Variants in EXPH5 observed in about 807,000 individuals in gnomAD.
EXPH5 encodes the protein exophilin-5.
In EXPH5, 42 loss-of-function variants were observed where a neutral mutation model predicts 41.1. The ratio of observed to expected loss-of-function variants is 1.02; its 90% CI spans 0.80 to 1.32. EXPH5 has a LOEUF of 1.32. EXPH5 is among the 40% of genes most tolerant of loss of function. The pLI is 0.00. For synonymous variants in EXPH5, 798 were observed against 833.5 expected, an observed-to-expected ratio of 0.96 and a Z score of 0.73; for missense variants, 2,298 against 2,314.5, an observed-to-expected ratio of 0.99 and a Z score of 0.15.
chr11:108,511,954 A>C lies in EXPH5; in HGVS notation c.3553T>G (p.Phe1185Val), dbSNP rs898939910. 5 of 1,600,958 alleles carry C rather than the reference A, an allele frequency of 3.1e-6. No individual in the cohort carries two copies. The highest frequency in any genetic ancestry group is 4.3e-6 in the Non-Finnish European group (5 of 1,176,412). Reference protein sequence around the residue: ...LTKRQHQKENFQEYTEKEGKM... With the variant: ...LTKRQHQKENVQEYTEKEGKM... The stretch of plus-strand genomic sequence containing the variant: ...CCCTCTTTCTCAGTGTATTCTTGGA[A>C]GTTTTCCTTTTGGTGTTGTCTTTTG... Residue 1185 changes from phenylalanine (F) to valine (V), a missense_variant, in exon 6 of 6, where the codon TTC becomes GTC. Physicochemically the swap from Phe to Val is conservative, Grantham distance 50. Coordinates refer to ENST00000265843, the MANE Select transcript of EXPH5 (RefSeq NM_015065.3).
At chr11:108,527,852 C>A (rs564771019) in intron 4 of EXPH5, among the ~76,000 whole-genome samples, 3 of 152,186 alleles carry the variant, frequency 2.0e-5, no homozygotes, top group Non-Finnish European at 4.4e-5. Flanking sequence ...CTGCCCAACA[C>A]CTCAGGGCTG....
At chr11:108,582,270 C>A (rs1207283151) in intron 1 of EXPH5, among the ~76,000 whole-genome samples, 1 of 151,992 alleles carries the variant, frequency 6.6e-6, no homozygotes, top group Non-Finnish European at 1.5e-5. Flanking sequence ...CAAGATCAGC[C>A]TGGGCAATAT....
At chr11:108,607,431 A>G in the EXPH5 span, among the ~76,000 whole-genome samples, 4 of 152,210 alleles carry the variant, frequency 2.6e-5, no homozygotes, top group African/African-American at 7.2e-5. Flanking sequence ...GCATCAATAC[A>G]TAACTATCAG....
chr11:108,570,240 T>A (rs1437960311), intron 1 of EXPH5, among the ~76,000 whole-genome samples: 5 of 151,884 alleles, frequency 3.3e-5, no homozygotes, highest in Admixed American at 6.6e-5. Context: ...TTTATTATTT[T>A]AAAAAATAAA....
chr11:108,594,835 G>A (rs181533091), upstream of EXPH5, among the ~76,000 whole-genome samples: 2 of 152,284 alleles, frequency 1.3e-5, no homozygotes, highest in East Asian at 1.9e-4. Context: ...TGCCACTTGT[G>A]TTTTGTTCTC....
rs1360730189 is a variant in EXPH5, at chr11:108,593,533, T to C, written c.4A>G (p.Thr2Ala). 1 of 1,614,058 alleles carries C rather than the reference T, an allele frequency of 6.2e-7. No individual in the cohort carries two copies. Among genetic ancestry groups the C allele is most frequent in the Non-Finnish European group, 8.5e-7 (1 of 1,180,016 alleles). Residue 2 changes from threonine (T) to alanine (A), a missense_variant, in exon 1 of 6, where the codon ACG becomes GCG. Coordinates refer to ENST00000265843, the MANE Select transcript of EXPH5 (RefSeq NM_015065.3). M[T>A]KVPPAFDFSF... Reference sequence around the variant, plus strand: ...AAATCAAACGCCGGAGGAACTTTCGTCATTTTCTTTACTGTGTGTGAGTTA... The same window carrying C: ...AAATCAAACGCCGGAGGAACTTTCGCCATTTTCTTTACTGTGTGTGAGTTA...
chr11:108,565,974 A>AG (rs2094032888), intron 1 of EXPH5, among the ~76,000 whole-genome samples: 1 of 152,226 alleles, frequency 6.6e-6, no homozygotes, highest in Admixed American at 6.5e-5. Flanking sequence ...TTTTCAAGTG[A>AG]GGAAAAAAAA....
chr11:108,574,847 GTT>G (rs1269578644), intron 1 of EXPH5, among the ~76,000 whole-genome samples: 1 of 152,228 alleles, frequency 6.6e-6, no homozygotes, highest in African/African-American at 2.4e-5. Context: ...AAAAGAAGCA[GTT>G]GTCACCACTA....
upstream of EXPH5, among the ~76,000 whole-genome samples, chr11:108,596,617 T>A (rs2094139185): frequency 6.6e-6 from 1 of 152,128 alleles, no homozygotes. Flanking sequence ...GATGGAGAAG[T>A]AGACTGGGAA....
rs574195829 is a variant in EXPH5 at position 108,566,384 on chromosome 11, C to T, written c.120-24572G>A. Among the ~76,000 whole-genome samples, 18 of 152,156 alleles carry T rather than the reference C, an allele frequency of 1.2e-4. No individual in the cohort carries two copies. The East Asian group carries it at 3.3e-3, about 28-fold the overall frequency. ...GTGGTGGGGAATAAATGGGTGAAGG[C>T]TTTCATAGGCAGACTTTCCTTCTGA... On this transcript the variant is annotated intron_variant, in intron 1 of 5. Coordinates refer to ENST00000265843, the MANE Select transcript of EXPH5 (RefSeq NM_015065.3).
intron 1 of EXPH5, among the ~76,000 whole-genome samples, chr11:108,569,002 CA>C (rs1181216118): frequency 3.9e-5 from 6 of 152,132 alleles, no homozygotes; most frequent in African/African-American, 1.4e-4. Flanking sequence ...GGCCTCGGCT[CA>C]GCACACAGGT....
chr11:108,517,596 C>T lies in EXPH5; in HGVS notation c.631+639G>A, dbSNP rs34967981. 3.1e-3 allele frequency among the ~76,000 whole-genome samples: 476 copies of T among 152,254 alleles called. 4 individuals carry two copies. Among genetic ancestry groups the T allele is most frequent in the Non-Finnish European group, 4.6e-3 (310 of 68,032 alleles). On this transcript the variant is annotated intron_variant, in intron 5 of 5. Coordinates refer to ENST00000265843, the MANE Select transcript of EXPH5 (RefSeq NM_015065.3). ...TAATAAGATACATGTGCATTTGGAA[C>T]GCCACTGCTTTTGGAACCTGTCTCA...
chr11:108,529,859 A>C (rs2135989272), intron 3 of EXPH5, among the ~76,000 whole-genome samples: 1 of 152,130 alleles, frequency 6.6e-6, no homozygotes, highest in East Asian at 1.9e-4. Context: ...AAAAAAAAAA[A>C]AGATTTAATA....
At chr11:108,534,274 A>G (rs540233127) in intron 3 of EXPH5, among the ~76,000 whole-genome samples, 17 of 152,198 alleles carry the variant, frequency 1.1e-4, no homozygotes, top group Non-Finnish European at 2.5e-4. Flanking sequence ...GTTTGTCCAG[A>G]TGAACTGGCT....
chr11:108,511,103 T>A lies in EXPH5; in HGVS notation c.4404A>T (p.Thr1468=). ...GSGKCPQKDH[T]STAVGDGSSG... is the part of the protein sequence containing the mutation. ...TGGAGCCATCACCTACAGCTGTGGATGTGTGATCTTTCTGGGGACACTTGC... is the reference window on the plus strand; with the variant it reads ...TGGAGCCATCACCTACAGCTGTGGAAGTGTGATCTTTCTGGGGACACTTGC... Residue 1468 remains threonine (T), a synonymous_variant, in exon 6 of 6, where the codon ACA becomes ACT. Coordinates refer to ENST00000265843, the MANE Select transcript of EXPH5 (RefSeq NM_015065.3). 6.2e-7 allele frequency: 1 copy of A among 1,614,106 alleles called. No homozygotes were observed. Among genetic ancestry groups the A allele is most frequent in the South Asian group, 1.1e-5 (1 of 91,064 alleles).
Position 108,512,971 on chromosome 11 carries a change from T to C in EXPH5, c.2536A>G (p.Asn846Asp), listed in dbSNP as rs142951532. Residue 846 changes from asparagine to aspartate, a missense_variant, in exon 6 of 6, where the codon AAT becomes GAT. By Grantham distance (23) the Asn-to-Asp change is conservative (BLOSUM62 1). Coordinates refer to ENST00000265843, the MANE Select transcript of EXPH5 (RefSeq NM_015065.3). The stretch of plus-strand genomic sequence containing the variant: ...GTCAGTGCAGAGCTCCAGTGGTTAT[T>C]TGTAATAATTCTTGAAATATCTTCA... The part of the protein sequence containing the change: ...NNEDISRIIT[N>D]NHWSSALTDT... The C allele has an allele frequency of 2.5e-6, 4 of 1,613,100 alleles. No homozygotes were observed. The highest frequency in any genetic ancestry group is 2.2e-5 in the South Asian group (2 of 90,850).
rs377547773 is a variant in EXPH5 at position 108,512,853 on chromosome 11, G to A, written c.2654C>T (p.Pro885Leu). 17 of 1,614,010 alleles carry A rather than the reference G, an allele frequency of 1.1e-5. No individual in the cohort carries two copies. The African/African-American group carries it at 2.3e-4, about 22-fold the overall frequency. The stretch of plus-strand genomic sequence containing the variant: ...AGAATTCTTTGATGGTGAGGAATCT[G>A]GTAGTGCAGCTGATGACAGATCTAA... ...DSLDLSSAAL[P>L]DSSPSKNSSL... The change falls in exon 6 of 6, where the codon CCA becomes CTA. Residue 885 changes from proline (P) to leucine (L), a missense_variant. Physicochemically the swap from Pro to Leu is moderately conservative, Grantham distance 98. Coordinates refer to ENST00000265843, the MANE Select transcript of EXPH5 (RefSeq NM_015065.3).
In EXPH5 at chr11:108,513,438, G is replaced by A; in HGVS notation, c.2069C>T (p.Pro690Leu). 6.2e-7 allele frequency: 1 copy of A among 1,613,390 alleles called. No individual in the cohort carries two copies. Among genetic ancestry groups the A allele is most frequent in the Non-Finnish European group, 8.5e-7 (1 of 1,179,738 alleles). Reference sequence around the variant, plus strand: ...ATTTACTTCTGTGACCAAGATATTGGGCTGGCTTTTGGCAAGAGGCAGAGA... The same window carrying A: ...ATTTACTTCTGTGACCAAGATATTGAGCTGGCTTTTGGCAAGAGGCAGAGA... ...VDSLPLAKSQ[P>L]NILVTEVNNE... The change falls in exon 6 of 6, where the codon CCC becomes CTC. Residue 690 changes from proline to leucine, a missense_variant. Transcript: ENST00000265843.
chr11:108,512,459 G>T lies in EXPH5; in HGVS notation c.3048C>A (p.Asp1016Glu). ...NQSNSKVSEL[D>E]TIYCTLPRKS... ...TTCTTGGCAAGGTACAATAAATTGT[G>T]TCAAGTTCAGAAACTTTGGAATTGC... The change falls in exon 6 of 6, where the codon GAC becomes GAA. Residue 1016 changes from aspartate (D) to glutamate (E), a missense_variant. Physicochemically the swap from Asp to Glu is conservative, Grantham distance 45. Coordinates refer to ENST00000265843, the MANE Select transcript of EXPH5 (RefSeq NM_015065.3). The T allele has an allele frequency of 6.2e-7, 1 of 1,613,938 alleles. No homozygotes were observed. Among genetic ancestry groups the T allele is most frequent in the African/African-American group, 1.3e-5 (1 of 75,052 alleles).
Sources: allele counts gnomAD v4.1 joint callset (sites outside exome capture counted in the v4.1 genomes callset), GRCh38; gene constraint gnomAD v4.1.1; transcripts MANE v1.5; gene names NCBI Gene and HGNC (gene_info 2026-07-23, HGNC 2026-07-21).